The following PLXNA4 variants were observed in gnomAD, a reference collection of about 807,000 sequenced individuals.
PLXNA4 encodes the protein plexin-A4.
PLXNA4 carries 44 observed loss-of-function variants against 191.8 expected under a neutral mutation model. That is an observed-to-expected ratio of 0.23 (90% CI 0.18 to 0.29). The LOEUF (loss-of-function observed/expected upper bound fraction) is 0.29, where lower values mean the gene tolerates loss of function less well. PLXNA4 is among the 10% of genes least tolerant of loss of function. The pLI is 1.00. For missense variants in PLXNA4, 1,800 were observed against 2,488.8 expected, an observed-to-expected ratio of 0.72 and a Z score of 5.89; for synonymous variants, 1,082 against 1,009.5, an observed-to-expected ratio of 1.07 and a Z score of -1.36.
chr7:132,623,363 T>G (rs886203448), intron 2 of PLXNA4, among the ~76,000 whole-genome samples: 5 of 148,066 alleles, frequency 3.4e-5, no homozygotes, highest in African/African-American at 2.5e-5. Context: ...TAAAATAAAA[T>G]AAAGAAAGAA....
chr7:132,571,179 C>T (rs1801963322), intron 1 of PLXNA4, among the ~76,000 whole-genome samples: 1 of 152,180 alleles, frequency 6.6e-6, no homozygotes, highest in African/African-American at 2.4e-5. Context: ...TGAGGTTAGC[C>T]CTGGCTTTGG....
At chr7:132,140,838 C>A in intron 29 of PLXNA4, 27 bp from the exon 30 acceptor site, 1 of 1,612,296 alleles carries the variant, frequency 6.2e-7, no homozygotes, top group Non-Finnish European at 8.5e-7. Context: ...GGCAGATGGT[C>A]AGGAAAGACG....
intron 3 of PLXNA4, among the ~76,000 whole-genome samples, chr7:132,379,131 A>C (rs377195354): frequency 6.6e-6 from 1 of 152,314 alleles, no homozygotes; most frequent in African/African-American, 2.4e-5. Context: ...GATTACAGGC[A>C]TGAGCAACCG....
At chr7:132,241,810 G>T (rs1798889041) in intron 4 of PLXNA4, among the ~76,000 whole-genome samples, 2 of 130,288 alleles carry the variant, frequency 1.5e-5, no homozygotes, top group South Asian at 6.2e-4. Context: ...AGCATCTGCT[G>T]CTATTTCTCC....
chr7:132,580,354 C>T (rs1258915566), upstream of PLXNA4, among the ~76,000 whole-genome samples: 3 of 152,146 alleles, frequency 2.0e-5, no homozygotes, highest in Non-Finnish European at 4.4e-5. Context: ...ACCTCCTCTA[C>T]CCCCTCTCCC....
intron 3 of PLXNA4, among the ~76,000 whole-genome samples, chr7:132,344,166 G>A (rs1803148164): frequency 6.6e-6 from 1 of 152,104 alleles, no homozygotes; most frequent in African/African-American, 2.4e-5. Context: ...TTTCATTAAT[G>A]AGCTCACCTT....
At chr7:132,417,734 C>T (rs894900965) in intron 3 of PLXNA4, among the ~76,000 whole-genome samples, 8 of 151,258 alleles carry the variant, frequency 5.3e-5, no homozygotes, top group South Asian at 2.1e-4. Flanking sequence ...GAGGGAGAGA[C>T]GGAGGGAGAG....
At chr7:132,452,360 C>T (rs1292362249) in intron 3 of PLXNA4, among the ~76,000 whole-genome samples, 2 of 152,236 alleles carry the variant, frequency 1.3e-5, no homozygotes, top group African/African-American at 4.8e-5. Flanking sequence ...CAAGTCACTT[C>T]AGACCCAGGG....
chr7:132,381,331 T>C (rs535638290), intron 3 of PLXNA4, among the ~76,000 whole-genome samples: 2 of 152,286 alleles, frequency 1.3e-5, no homozygotes, highest in South Asian at 4.1e-4. Context: ...CATAGAACAA[T>C]ATTTTCCTAA....
chr7:132,370,602 A>C (rs6467435), intron 3 of PLXNA4, among the ~76,000 whole-genome samples: 68,727 of 152,094 alleles, frequency 0.45, 18,122 homozygotes, highest in African/African-American at 0.73. Flanking sequence ...GGTGCCAGCT[A>C]TCCTGGACTC....
rs780047286 is a variant in PLXNA4, at chr7:132,182,094, C to G, written c.3252+3G>C. 1 of 1,614,176 alleles carries G rather than the reference C, an allele frequency of 6.2e-7. No homozygotes were observed. The highest frequency in any genetic ancestry group is 1.7e-5 in the Admixed American group (1 of 60,024). On this transcript the variant is annotated splice_donor_region_variant and intron_variant, in intron 17 of 31. Transcript: ENST00000321063. ...CCATGAACCCCATCAGCCCTACACT[C>G]ACATTGATGTGCTCCTTCCCTCCAT...
At chr7:132,186,054 A>C (rs2116768537) in intron 15 of PLXNA4, among the ~76,000 whole-genome samples, 1 of 152,318 alleles carries the variant, frequency 6.6e-6, no homozygotes, top group African/African-American at 2.4e-5. Flanking sequence ...AGGCCTGGCC[A>C]GGTCTGACTT....
chr7:132,416,855 C>A (rs1285981116), intron 3 of PLXNA4, among the ~76,000 whole-genome samples: 1 of 152,128 alleles, frequency 6.6e-6, no homozygotes, highest in Admixed American at 6.5e-5. Flanking sequence ...GTTCTTCAAC[C>A]ACTTTATGGA....
intron 3 of PLXNA4, among the ~76,000 whole-genome samples, chr7:132,304,507 T>G (rs1307529188): frequency 6.6e-6 from 1 of 152,120 alleles, no homozygotes; most frequent in Non-Finnish European, 1.5e-5. Context: ...GTATAAAAAT[T>G]TTATTGAGAT....
intron 3 of PLXNA4, among the ~76,000 whole-genome samples, chr7:132,327,382 T>A (rs941970105): frequency 2.6e-5 from 4 of 152,206 alleles, no homozygotes; most frequent in Non-Finnish European, 5.9e-5. Context: ...ATAGATTTTT[T>A]AAGATAAACT....
At chr7:132,247,584 G>A (rs1799103309) in intron 4 of PLXNA4, among the ~76,000 whole-genome samples, 1 of 152,306 alleles carries the variant, frequency 6.6e-6, no homozygotes, top group East Asian at 1.9e-4. Context: ...CAAATTCTTA[G>A]CTCAGTAATA....
chr7:132,155,198 GGCAGAGGGGAGAGGAAATGGGTC>G (rs1795756611), intron 25 of PLXNA4, among the ~76,000 whole-genome samples: 1 of 152,188 alleles, frequency 6.6e-6, no homozygotes, highest in South Asian at 2.1e-4. Flanking sequence ...CACGGACAGT[GGCAGAGGGGAGAGGAAATGGGTC>G]GCAGAGGAGA....
At chr7:132,459,281 G>A (rs1157553423) in intron 3 of PLXNA4, among the ~76,000 whole-genome samples, 1 of 152,136 alleles carries the variant, frequency 6.6e-6, no homozygotes, top group Non-Finnish European at 1.5e-5. Flanking sequence ...AGTAAGAACT[G>A]GAGGAACAGT....
intron 14 of PLXNA4, among the ~76,000 whole-genome samples, chr7:132,188,379 C>G (rs1186720293): frequency 1.3e-5 from 2 of 152,182 alleles, no homozygotes; most frequent in African/African-American, 2.4e-5. Context: ...AGGTGAGAAG[C>G]CTGTATCTGC....
Sources: gnomAD v4.1 joint callset for allele counts (sites outside exome capture counted in the v4.1 genomes callset) on GRCh38, gnomAD v4.1.1 for gene constraint, MANE v1.5 for transcripts, NCBI Gene and HGNC (gene_info 2026-07-23, HGNC 2026-07-21) for gene names.